The following LRRTM4 variants were observed in gnomAD, a reference collection of about 807,000 sequenced individuals.
LRRTM4 encodes leucine-rich repeat transmembrane neuronal protein 4.
A neutral mutation model predicts 47.6 loss-of-function variants in LRRTM4; 25 were observed. The observed-to-expected ratio is 0.53, with a 90% CI of 0.38 to 0.73. LRRTM4 has a LOEUF of 0.73. Among genes scored for constraint, LRRTM4 ranks in the 30% least tolerant of loss-of-function variants. LRRTM4 has a pLI of 0.00. For synonymous variants in LRRTM4, 311 were observed against 269.5 expected (o/e 1.15, Z -1.51); for missense variants, 638 against 713.4 (o/e 0.89, Z 1.20).
intron 3 of LRRTM4, among the ~76,000 whole-genome samples, chr2:77,331,747 CA>C (rs1670978461): frequency 6.6e-6 from 1 of 152,112 alleles, no homozygotes; most frequent in Admixed American, 6.6e-5. Context: ...TATTGCATCT[CA>C]TGATTACTTC....
At chr2:77,451,147 G>GT (rs1212892695) in intron 3 of LRRTM4, among the ~76,000 whole-genome samples, 2 of 152,072 alleles carry the variant, frequency 1.3e-5, no homozygotes, top group African/African-American at 2.4e-5. Context: ...CCGAAGACTA[G>GT]TTTTTTTCTG....
chr2:76,748,931 TAGAA>T lies in LRRTM4; in HGVS notation c.1552-19_1552-16del. ...TGGTGTGGCATCTGGATATGAGAAATAGAAAGATGGGTGGATTATAAAATTGCTT... is the reference window on the plus strand; with the variant it reads ...TGGTGTGGCATCTGGATATGAGAAATAGATGGGTGGATTATAAAATTGCTT... On this transcript the variant is annotated splice_polypyrimidine_tract_variant and intron_variant, in intron 3 of 3. Coordinates refer to ENST00000409884, the MANE Select transcript of LRRTM4 (RefSeq NM_001134745.3). 2 of 1,604,698 alleles carry T rather than the reference TAGAA, an allele frequency of 1.2e-6. No homozygotes were observed. The highest frequency in any genetic ancestry group is 1.7e-6 in the Non-Finnish European group (2 of 1,171,966).
At chr2:77,298,775 C>T (rs944896295) in intron 3 of LRRTM4, among the ~76,000 whole-genome samples, 7 of 152,088 alleles carry the variant, frequency 4.6e-5, no homozygotes, top group Non-Finnish European at 8.8e-5. Context: ...AGAAAATATC[C>T]TGCTGCTATC....
At chr2:76,850,635 G>C (rs1385741440) in intron 3 of LRRTM4, among the ~76,000 whole-genome samples, 1 of 152,138 alleles carries the variant, frequency 6.6e-6, no homozygotes, top group Admixed American at 6.6e-5. Context: ...GCACACAGTA[G>C]GAACTTAGCA....
rs374979457 is a variant in LRRTM4, at chr2:76,935,582, T to C, written c.1552-186666A>G. 2.6e-5 allele frequency among the ~76,000 whole-genome samples: 4 copies of C among 152,160 alleles called. No homozygotes were observed. In the South Asian group the frequency reaches 6.2e-4, roughly 24 times the overall value. On this transcript the variant is annotated intron_variant, in intron 3 of 3. Transcript: ENST00000409884. The stretch of plus-strand genomic sequence containing the variant: ...GGTCCTTCACATCCCTTGTAAGTTG[T>C]ATTCCTAGGTATTTTATTCTCTTAG...
intron 3 of LRRTM4, among the ~76,000 whole-genome samples, chr2:77,204,589 A>C (rs932233818): frequency 6.6e-6 from 1 of 152,128 alleles, no homozygotes; most frequent in African/African-American, 2.4e-5. Flanking sequence ...TTCTTCAGGA[A>C]GTCTTCCCTA....
intron 3 of LRRTM4, among the ~76,000 whole-genome samples, chr2:76,931,744 C>CT (rs986010221): frequency 6.6e-5 from 10 of 151,914 alleles, no homozygotes; most frequent in Admixed American, 6.6e-4. Context: ...TTCCAACGTA[C>CT]TTTTTTCTGT....
chr2:77,496,649 G>A (rs1678375286), intron 3 of LRRTM4, among the ~76,000 whole-genome samples: 1 of 151,710 alleles, frequency 6.6e-6, no homozygotes, highest in Admixed American at 6.6e-5. Context: ...AGCATTCCTG[G>A]TATGCAGTTG....
At chr2:76,769,486 G>A (rs564703486) in intron 3 of LRRTM4, among the ~76,000 whole-genome samples, 3 of 151,728 alleles carry the variant, frequency 2.0e-5, no homozygotes, top group South Asian at 2.1e-4. Context: ...AATGAATTTC[G>A]GATTTGAGAC....
At chr2:77,251,188 TAC>T (rs546102819) in intron 3 of LRRTM4, among the ~76,000 whole-genome samples, 355 of 34,520 alleles carry the variant, frequency 0.01, no homozygotes, top group Non-Finnish European at 0.014. Flanking sequence ...TGTATATATA[TAC>T]ACACACACAC....
chr2:77,271,007 T>C (rs1392234547), intron 3 of LRRTM4, among the ~76,000 whole-genome samples: 1 of 152,190 alleles, frequency 6.6e-6, no homozygotes, highest in East Asian at 1.9e-4. Context: ...AGAGACAGCC[T>C]GATTTCAGGG....
chr2:77,393,871 G>T (rs1027440104), intron 3 of LRRTM4, among the ~76,000 whole-genome samples: 6 of 151,892 alleles, frequency 4.0e-5, no homozygotes, highest in African/African-American at 1.4e-4. Flanking sequence ...AGGGTTGCCA[G>T]ATTTACAAAT....
intron 3 of LRRTM4, among the ~76,000 whole-genome samples, chr2:77,209,063 C>T (rs1674220225): frequency 6.6e-6 from 1 of 152,098 alleles, no homozygotes; most frequent in South Asian, 2.1e-4. Flanking sequence ...CCAAGCTGTC[C>T]TATCACCAGC....
chr2:76,903,123 G>T (rs1447795338), intron 3 of LRRTM4, among the ~76,000 whole-genome samples: 1 of 152,138 alleles, frequency 6.6e-6, no homozygotes, highest in African/African-American at 2.4e-5. Context: ...TGTAATTCCA[G>T]CACTTTGGGA....
intron 3 of LRRTM4, among the ~76,000 whole-genome samples, chr2:76,787,862 T>G (rs1214589402): frequency 1.3e-5 from 2 of 152,160 alleles, no homozygotes; most frequent in Non-Finnish European, 2.9e-5. Flanking sequence ...GGCAAATTTG[T>G]GCTCCTTTGA....
intron 3 of LRRTM4, among the ~76,000 whole-genome samples, chr2:76,789,808 T>TTATTATTTTTTCCATATTTCCTGG (rs1674875496): frequency 6.6e-6 from 1 of 152,158 alleles, no homozygotes; most frequent in South Asian, 2.1e-4. Context: ...TCTTCCCATT[T>TTATTATTTTTTCCATATTTCCTGG]TATTATTTTT....
At chr2:77,510,984 T>A (rs1469091015) in intron 3 of LRRTM4, among the ~76,000 whole-genome samples, 1 of 152,060 alleles carries the variant, frequency 6.6e-6, no homozygotes, top group Non-Finnish European at 1.5e-5. Flanking sequence ...GAAAAAATGA[T>A]TCTTCTTGCT....
intron 3 of LRRTM4, among the ~76,000 whole-genome samples, chr2:77,294,300 A>T (rs933465658): frequency 3.3e-5 from 5 of 152,074 alleles, no homozygotes; most frequent in Non-Finnish European, 7.4e-5. Context: ...ATTTTCAGTT[A>T]TGTGAAGAGC....
At chr2:76,950,810 A>T (rs556911361) in intron 3 of LRRTM4, among the ~76,000 whole-genome samples, 2 of 152,124 alleles carry the variant, frequency 1.3e-5, no homozygotes, top group South Asian at 4.1e-4. Context: ...GGGTTCAGCC[A>T]TATTAAGACT....
Sources: gnomAD v4.1 joint callset for allele counts (sites outside exome capture counted in the v4.1 genomes callset) on GRCh38, gnomAD v4.1.1 for gene constraint, MANE v1.5 for transcripts, NCBI Gene and HGNC (gene_info 2026-07-23, HGNC 2026-07-21) for gene names.